The following STAT5B variants were observed in gnomAD, a reference collection of about 807,000 sequenced individuals.
STAT5B encodes the protein transcription factor STAT5B.
In STAT5B, 21 loss-of-function variants were observed where a neutral mutation model predicts 107.8. The ratio of observed to expected loss-of-function variants is 0.19; its 90% CI spans 0.14 to 0.28. The LOEUF (loss-of-function observed/expected upper bound fraction) is 0.28. STAT5B is among the 10% of genes least tolerant of loss of function. STAT5B has a pLI of 1.00. For missense variants in STAT5B, 565 were observed against 1,008.2 expected (o/e 0.56, Z 5.95); for synonymous variants, 325 against 401.7 (o/e 0.81, Z 2.28).
chr17:42,267,889 T>A (rs1598342391), intron 1 of STAT5B, among the ~76,000 whole-genome samples: 1 of 144,496 alleles, frequency 6.9e-6, no homozygotes, highest in South Asian at 2.2e-4. Context: ...AACCGGGAGG[T>A]AGAGGTTGCA....
intron 1 of STAT5B, among the ~76,000 whole-genome samples, chr17:42,257,204 A>G (rs571534395): frequency 5.9e-5 from 9 of 152,206 alleles, no homozygotes; most frequent in Admixed American, 2.0e-4. Flanking sequence ...AGTTTAAATA[A>G]ATAATTGTGC....
intron 3 of STAT5B, among the ~76,000 whole-genome samples, chr17:42,225,844 A>G (rs1327616049): frequency 6.6e-6 from 1 of 152,198 alleles, no homozygotes; most frequent in Non-Finnish European, 1.5e-5. Context: ...GTCTGCTCGG[A>G]GATGTGCAAT....
At chr17:42,243,754 T>C (rs553181204) in intron 1 of STAT5B, among the ~76,000 whole-genome samples, 1 of 152,316 alleles carries the variant, frequency 6.6e-6, no homozygotes, top group African/African-American at 2.4e-5. Flanking sequence ...GAGGTTTGAC[T>C]CTCACTTTGA....
At chr17:42,274,490 C>T (rs1323620773) in intron 1 of STAT5B, among the ~76,000 whole-genome samples, 1 of 152,078 alleles carries the variant, frequency 6.6e-6, no homozygotes, top group Non-Finnish European at 1.5e-5. Flanking sequence ...AAATCAGCAG[C>T]CCCTTCTCTT....
intron 1 of STAT5B, among the ~76,000 whole-genome samples, chr17:42,254,533 A>T (rs947202664): frequency 7.9e-5 from 12 of 152,072 alleles, no homozygotes; most frequent in African/African-American, 2.9e-4. Flanking sequence ...AAAAAAAAAA[A>T]AATTAAGAAT....
At chr17:42,261,758 C>T (rs1220461136) in intron 1 of STAT5B, among the ~76,000 whole-genome samples, 1 of 152,042 alleles carries the variant, frequency 6.6e-6, no homozygotes, top group Non-Finnish European at 1.5e-5. Flanking sequence ...TGAGGTTTCA[C>T]CATGTTGCCC....
chr17:42,208,370 C>T (rs1334524942), intron 15 of STAT5B, among the ~76,000 whole-genome samples: 1 of 151,840 alleles, frequency 6.6e-6, no homozygotes, highest in Non-Finnish European at 1.5e-5. Flanking sequence ...TGTGGTGGCA[C>T]TCATCCGTAG....
chr17:42,210,264 C>T lies in STAT5B; in HGVS notation c.1813G>A (p.Asp605Asn). Residue 605 changes from aspartate to asparagine, a missense_variant, in exon 15 of 19, where the codon GAC (aspartate) becomes AAC (asparagine). Asp to Asn is a conservative substitution (Grantham distance 23, BLOSUM62 1). Around this residue, in one of 11 missense-constraint regions of STAT5B, gnomAD observed 7 missense variants for 45.6 expected, o/e 0.15. Transcript: ENST00000293328. ...LGFVNKQQAH[D>N]LLINKPDGTF... ...CCATCTGGCTTGTTAATGAGTAGGTCATGGGCCTGTTGCTTGTTTACAAAC... is the reference window on the plus strand; with the variant it reads ...CCATCTGGCTTGTTAATGAGTAGGTTATGGGCCTGTTGCTTGTTTACAAAC... 3 of 1,614,150 alleles carry T rather than the reference C, an allele frequency of 1.9e-6. No homozygotes were observed. Among genetic ancestry groups the T allele is most frequent in the Non-Finnish European group, 1.7e-6 (2 of 1,180,026 alleles).
intron 1 of STAT5B, among the ~76,000 whole-genome samples, chr17:42,238,415 G>T (rs1044884525): frequency 6.8e-6 from 1 of 146,000 alleles, no homozygotes; most frequent in South Asian, 2.2e-4. Context: ...CTCCCCCAGA[G>T]TGCTGGGATT....
At chr17:42,207,871 G>C in intron 15 of STAT5B, 143 bp from the exon 16 acceptor site, 1 of 835,682 alleles carries the variant, frequency 1.2e-6, no homozygotes, top group South Asian at 1.7e-5. Flanking sequence ...ATGGGTTATA[G>C]ATGAAATACT....
upstream of STAT5B, among the ~76,000 whole-genome samples, chr17:42,277,837 C>T (rs2080777365): frequency 6.6e-6 from 1 of 151,122 alleles, no homozygotes; most frequent in African/African-American, 2.4e-5. Context: ...CTCACGGCAA[C>T]CTCCACCTCC....
At chr17:42,275,820 G>A (rs778665623) in intron 1 of STAT5B, among the ~76,000 whole-genome samples, 2 of 151,812 alleles carry the variant, frequency 1.3e-5, no homozygotes, top group African/African-American at 4.8e-5. Context: ...CCGGAGTCCC[G>A]GGAACCTCTT....
chr17:42,236,406 T>G (rs1292248694), intron 1 of STAT5B, among the ~76,000 whole-genome samples: 1 of 152,218 alleles, frequency 6.6e-6, no homozygotes, highest in African/African-American at 2.4e-5. Context: ...GTTCTCCCAG[T>G]TACGTGAATA....
In STAT5B at chr17:42,219,921, C is replaced by T. The variant is rs566070188; in HGVS notation, c.551-79G>A. ...GCCCAGAGAAGCCCACTCACCCGTT[C>T]TGGAGCGAGACCCTCCTGGGCTCAG... On this transcript the variant is annotated intron_variant, in intron 5 of 18. Coordinates refer to ENST00000293328, the MANE Select transcript of STAT5B (RefSeq NM_012448.4). The T allele has an allele frequency of 1.9e-4, 310 of 1,604,296 alleles. 3 individuals carry two copies. In the South Asian group the frequency reaches 3.2e-3, roughly 16 times the overall value.
At chr17:42,285,028 CTAT>C in the STAT5B span, among the ~76,000 whole-genome samples, 2 of 151,816 alleles carry the variant, frequency 1.3e-5, no homozygotes, top group African/African-American at 4.8e-5. Flanking sequence ...AGGCTGCAGA[CTAT>C]TATTATTCCT....
At chr17:42,211,874 G>A (rs182744930) in intron 13 of STAT5B, 110 bp downstream of exon 13, 31 of 1,492,266 alleles carry the variant, frequency 2.1e-5, no homozygotes, top group African/African-American at 1.5e-4. Flanking sequence ...TATTACTTTC[G>A]GTACATTTTA....
At position 42,218,412 on chromosome 17, in the gene STAT5B, G is replaced by C. The variant is rs1443657756; in HGVS notation, c.990-82C>G. The C allele has an allele frequency of 4.5e-6, 7 of 1,560,358 alleles. No homozygotes were observed. In the African/African-American group the frequency reaches 9.5e-5, roughly 21 times the overall value. ...CTCAGTCCCTCTGTGGTGGGGGTGG[G>C]GCTGCCTCCCGAGGGGCTCAGGAGG... On this transcript the variant is annotated intron_variant, in intron 8 of 18. Transcript: ENST00000293328.
intron 1 of STAT5B, among the ~76,000 whole-genome samples, chr17:42,243,208 T>C (rs539403245): frequency 1.3e-5 from 2 of 151,676 alleles, no homozygotes; most frequent in Middle Eastern, 3.4e-3. Context: ...ATATAAAAAT[T>C]AGTTGGGCGT....
At chr17:42,224,718 A>T in intron 4 of STAT5B, 61 bp downstream of exon 4, 1 of 1,554,652 alleles carries the variant, frequency 6.4e-7, no homozygotes, top group Non-Finnish European at 8.9e-7. Flanking sequence ...AGGTGGGTCC[A>T]GAGGGAGGTG....
Sources: allele counts gnomAD v4.1 joint callset (sites outside exome capture counted in the v4.1 genomes callset), GRCh38; gene constraint gnomAD v4.1.1; regional missense constraint gnomAD v4.1.1; transcripts MANE v1.5; gene names NCBI Gene and HGNC (gene_info 2026-07-23, HGNC 2026-07-21).